FOXP2: variants seen among roughly 807,000 people sequenced by gnomAD.
FOXP2 encodes forkhead box P2.
Under a neutral mutation model 115.8 loss-of-function variants are expected in FOXP2, and 12 were observed. The ratio of observed to expected loss-of-function variants is 0.10; its 90% CI spans 0.07 to 0.17. The LOEUF is 0.17. Ranked by LOEUF, FOXP2 falls within the 10% of genes least tolerant of loss-of-function variation. The probability of loss-of-function intolerance (pLI) is 1.00; values close to 1 mark genes in which losing one functional copy is unlikely to be tolerated. For synonymous variants in FOXP2, 328 were observed against 297.7 expected (o/e 1.10, Z -1.05); for missense variants, 629 against 843.5 (o/e 0.75, Z 3.15).
intron 2 of FOXP2, among the ~76,000 whole-genome samples, chr7:114,392,840 G>C (rs1282837168): frequency 1.3e-5 from 2 of 152,204 alleles, no homozygotes; most frequent in African/African-American, 4.8e-5. Flanking sequence ...TGAATGGAAT[G>C]TGCCAGTTGG....
intron 2 of FOXP2, among the ~76,000 whole-genome samples, chr7:114,320,976 A>T (rs1797405263): frequency 6.6e-6 from 1 of 152,132 alleles, no homozygotes; most frequent in Admixed American, 6.5e-5. Flanking sequence ...TAAAATTAAA[A>T]ATTCTACGGG....
chr7:114,327,795 T>G (rs1354343369), intron 2 of FOXP2, among the ~76,000 whole-genome samples: 1 of 147,206 alleles, frequency 6.8e-6, no homozygotes, highest in Non-Finnish European at 1.5e-5. Context: ...CCACTGCGCC[T>G]GGCCTCTTTT....
At chr7:114,211,314 G>A (rs1402843477) in intron 1 of FOXP2, among the ~76,000 whole-genome samples, 1 of 152,212 alleles carries the variant, frequency 6.6e-6, no homozygotes, top group Non-Finnish European at 1.5e-5. Context: ...ACACAGCTCT[G>A]TGTATCAGAC....
intron 1 of FOXP2, among the ~76,000 whole-genome samples, chr7:114,238,819 C>T (rs1195090844): frequency 6.6e-6 from 1 of 151,508 alleles, no homozygotes; most frequent in Non-Finnish European, 1.5e-5. Context: ...CTTTCAGTAA[C>T]CTCTGTAATA....
chr7:114,617,627 C>CTACAAAAA (rs1209137341), intron 3 of FOXP2, among the ~76,000 whole-genome samples: 1 of 152,058 alleles, frequency 6.6e-6, no homozygotes. Context: ...AACCCCGTCT[C>CTACAAAAA]TACAAAAATA....
At chr7:114,400,294 G>A (rs954378464) in intron 2 of FOXP2, among the ~76,000 whole-genome samples, 1 of 152,030 alleles carries the variant, frequency 6.6e-6, no homozygotes, top group Non-Finnish European at 1.5e-5. Context: ...TTCATTTATA[G>A]TAAAAGCTAA....
At chr7:114,307,372 G>A (rs763143134) in intron 2 of FOXP2, among the ~76,000 whole-genome samples, 2 of 152,028 alleles carry the variant, frequency 1.3e-5, no homozygotes, top group African/African-American at 2.4e-5. Context: ...TCTTATTTTA[G>A]CCAGACAAGA....
At chr7:114,398,697 T>C (rs553875288) in intron 2 of FOXP2, among the ~76,000 whole-genome samples, 1 of 152,370 alleles carries the variant, frequency 6.6e-6, no homozygotes, top group African/African-American at 2.4e-5. Flanking sequence ...ACAGCTTTTC[T>C]GGAACAAAAC....
intron 1 of FOXP2, among the ~76,000 whole-genome samples, chr7:114,268,803 C>G (rs539838357): frequency 4.0e-5 from 6 of 151,812 alleles, no homozygotes; most frequent in Non-Finnish European, 8.8e-5. Flanking sequence ...TTATTAGAGG[C>G]ATGAAAAAGA....
chr7:114,576,268 C>A (rs926150637), intron 3 of FOXP2, among the ~76,000 whole-genome samples: 3 of 151,708 alleles, frequency 2.0e-5, no homozygotes, highest in African/African-American at 7.3e-5. Context: ...ATCTTTTTTT[C>A]TACTGTAATT....
intron 3 of FOXP2, among the ~76,000 whole-genome samples, chr7:114,603,709 T>C (rs1803153981): frequency 6.6e-6 from 1 of 152,224 alleles, no homozygotes; most frequent in Non-Finnish European, 1.5e-5. Context: ...TATTTTATAA[T>C]AGAAGACTAA....
At chr7:114,314,802 G>A (rs925359627) in intron 2 of FOXP2, among the ~76,000 whole-genome samples, 7 of 152,236 alleles carry the variant, frequency 4.6e-5, no homozygotes, top group African/African-American at 1.7e-4. Context: ...GTAATGTGTT[G>A]TCTGCCTTAT....
intron 1 of FOXP2, among the ~76,000 whole-genome samples, chr7:114,179,853 G>T (rs1793412871): frequency 6.6e-6 from 1 of 151,952 alleles, no homozygotes. Flanking sequence ...ATTACTAGAA[G>T]TTCTTTCTGA....
At chr7:114,525,402 T>C (rs1489757929) in intron 2 of FOXP2, among the ~76,000 whole-genome samples, 1 of 152,206 alleles carries the variant, frequency 6.6e-6, no homozygotes, top group Non-Finnish European at 1.5e-5. Context: ...AGTAGAAAAG[T>C]AAGTAGTTCT....
intron 6 of FOXP2, 123 bp from the exon 7 acceptor site, chr7:114,642,287 A>G (rs527377059): frequency 2.9e-5 from 22 of 749,868 alleles, no homozygotes; most frequent in Admixed American, 4.4e-5. Flanking sequence ...TTTTTGTTGT[A>G]TATTAATTTA....
At chr7:114,117,130 G>T (rs150206405) in intron 1 of FOXP2, among the ~76,000 whole-genome samples, 125 of 151,978 alleles carry the variant, frequency 8.2e-4, no homozygotes, top group African/African-American at 3.0e-3. Flanking sequence ...ACTCTACCTG[G>T]AGGCAGATTA....
chr7:114,278,535 G>A (rs1327887427), intron 1 of FOXP2, among the ~76,000 whole-genome samples: 1 of 151,968 alleles, frequency 6.6e-6, no homozygotes, highest in East Asian at 1.9e-4. Context: ...TTGTATTTTA[G>A]TAGAGGTGGG....
chr7:114,281,095 A>ATTTTTTTTT (rs71157578), intron 1 of FOXP2, among the ~76,000 whole-genome samples: 2 of 92,854 alleles, frequency 2.2e-5, no homozygotes, highest in Non-Finnish European at 4.0e-5. Context: ...TGCAATTTGA[A>ATTTTTTTTT]TTTTTTTTTT....
chr7:114,495,457 T>A (rs1396220549), intron 2 of FOXP2, among the ~76,000 whole-genome samples: 5 of 151,156 alleles, frequency 3.3e-5, no homozygotes. Context: ...ATTTTCTTTT[T>A]TTCTTTGTTT....
Sources: gnomAD v4.1 joint callset for allele counts (sites outside exome capture counted in the v4.1 genomes callset) on GRCh38, gnomAD v4.1.1 for gene constraint, MANE v1.5 for transcripts, NCBI Gene and HGNC (gene_info 2026-07-23, HGNC 2026-07-21) for gene names.